The following LYRM4 variants were observed in gnomAD, a reference collection of about 807,000 sequenced individuals.
LYRM4 encodes LYR motif containing 4.
In LYRM4, 9 loss-of-function variants were observed where a neutral mutation model predicts 11.7. That is an observed-to-expected ratio of 0.77 (90% CI 0.46 to 1.34). LYRM4 has a LOEUF of 1.34. Among genes scored for constraint, LYRM4 ranks in the 40% most tolerant of loss-of-function variants. LYRM4 has a pLI of 0.00. For synonymous variants in LYRM4, 42 were observed against 40.4 expected, an observed-to-expected ratio of 1.04 and a Z score of -0.15; for missense variants, 133 against 112.5, an observed-to-expected ratio of 1.18 and a Z score of -0.82.
intron 2 of LYRM4, among the ~76,000 whole-genome samples, chr6:5,167,100 A>G (rs1037272780): frequency 6.6e-6 from 1 of 152,294 alleles, no homozygotes. Context: ...GACCCAACCC[A>G]TCATGAGGCT....
intron 1 of LYRM4, among the ~76,000 whole-genome samples, chr6:5,218,641 A>C (rs895108449): frequency 6.6e-6 from 1 of 152,170 alleles, no homozygotes; most frequent in Non-Finnish European, 1.5e-5. Context: ...ATTTCAGAGG[A>C]GCTGCTGAGC....
intron 2 of LYRM4, among the ~76,000 whole-genome samples, chr6:5,189,811 G>A (rs577960625): frequency 4.6e-5 from 7 of 152,292 alleles, no homozygotes; most frequent in South Asian, 4.1e-4. Context: ...TCTATGAATC[G>A]AATCACTGTT....
chr6:5,053,467 G>A, the LYRM4 span, among the ~76,000 whole-genome samples: 1 of 151,868 alleles, frequency 6.6e-6, no homozygotes, highest in Non-Finnish European at 1.5e-5. Context: ...AGGGAGAGAT[G>A]GAAAGAGAAA....
At chr6:5,118,094 A>ATATATATATATATT in intron 2 of LYRM4, among the ~76,000 whole-genome samples, 13 of 86,124 alleles carry the variant, frequency 1.5e-4, no homozygotes, top group Non-Finnish European at 1.9e-4. Flanking sequence ...ATATATATAT[A>ATATATATATATATT]TTTTTGTTTT....
intron 2 of LYRM4, among the ~76,000 whole-genome samples, chr6:5,213,079 T>C (rs1762069414): frequency 1.3e-5 from 2 of 152,174 alleles, no homozygotes; most frequent in African/African-American, 2.4e-5. Flanking sequence ...GCTCCTTAAA[T>C]ACCATCGGAA....
chr6:5,089,657 A>G, the LYRM4 span, among the ~76,000 whole-genome samples: 22 of 152,340 alleles, frequency 1.4e-4, no homozygotes, highest in South Asian at 4.1e-3. Context: ...AAAAGAAACT[A>G]TTTCATAATA....
At chr6:5,129,902 G>A (rs1444907392) in intron 2 of LYRM4, among the ~76,000 whole-genome samples, 2 of 152,272 alleles carry the variant, frequency 1.3e-5, no homozygotes, top group Non-Finnish European at 2.9e-5. Context: ...AGAGATTCGT[G>A]CTGAGGTGAA....
intron 2 of LYRM4, among the ~76,000 whole-genome samples, chr6:5,215,418 C>A (rs572185245): frequency 6.6e-6 from 1 of 152,170 alleles, no homozygotes; most frequent in African/African-American, 2.4e-5. Flanking sequence ...AGATCAGTTT[C>A]TTTTCTGAGT....
intron 1 of LYRM4, among the ~76,000 whole-genome samples, chr6:5,249,712 T>G (rs1271090208): frequency 6.6e-6 from 1 of 152,218 alleles, no homozygotes; most frequent in South Asian, 2.1e-4. Context: ...ATCTAGAAAC[T>G]CTCAGCTTGG....
the LYRM4 span, chr6:5,089,089 A>G: frequency 1.3e-5 from 2 of 152,270 alleles, no homozygotes; most frequent in South Asian, 4.1e-4. Context: ...ACAGCAAGCC[A>G]TCAGGAGTTA....
chr6:5,034,350 T>C, the LYRM4 span: 2 of 152,246 alleles, frequency 1.3e-5, no homozygotes, highest in African/African-American at 4.8e-5. Flanking sequence ...CGTGAGATGA[T>C]GTCTGATACA....
intron 2 of LYRM4, among the ~76,000 whole-genome samples, chr6:5,144,786 G>A (rs549583155): frequency 3.0e-4 from 45 of 152,190 alleles, no homozygotes; most frequent in Admixed American, 6.5e-4. Context: ...GCAGTGCGGC[G>A]CTCACTCCCG....
At chr6:5,209,526 T>C (rs1320318419) in intron 2 of LYRM4, among the ~76,000 whole-genome samples, 1 of 152,258 alleles carries the variant, frequency 6.6e-6, no homozygotes, top group Non-Finnish European at 1.5e-5. Flanking sequence ...TGCTGGCGTA[T>C]GCTTTTAAAC....
chr6:5,260,602 C>G, intron 1 of LYRM4, 46 bp downstream of exon 1: 9 of 1,203,578 alleles, frequency 7.5e-6, no homozygotes, highest in Non-Finnish European at 1.1e-5. Flanking sequence ...CCCCGGTCCC[C>G]GGCCCCTGGC....
intron 2 of LYRM4, among the ~76,000 whole-genome samples, chr6:5,162,748 G>A (rs1344065957): frequency 2.0e-5 from 3 of 152,126 alleles, no homozygotes; most frequent in Non-Finnish European, 4.4e-5. Context: ...CATACACAAT[G>A]CCAATGCTTT....
At chr6:5,041,420 C>T in the LYRM4 span, among the ~76,000 whole-genome samples, 1 of 152,206 alleles carries the variant, frequency 6.6e-6, no homozygotes, top group African/African-American at 2.4e-5. Flanking sequence ...AAGATGTTCT[C>T]TCTAAAGGCT....
At chr6:5,134,068 A>G (rs544890809) in intron 2 of LYRM4, among the ~76,000 whole-genome samples, 1 of 152,364 alleles carries the variant, frequency 6.6e-6, no homozygotes, top group South Asian at 2.1e-4. Flanking sequence ...CTGTGAACAT[A>G]CGAATACAAG....
At chr6:5,233,284 T>C (rs142781685) in intron 1 of LYRM4, among the ~76,000 whole-genome samples, 52 of 152,348 alleles carry the variant, frequency 3.4e-4, no homozygotes, top group Middle Eastern at 3.4e-3. Context: ...ACAATCAGAT[T>C]TGACATGCGA....
chr6:5,154,753 A>G (rs992449006), intron 2 of LYRM4, among the ~76,000 whole-genome samples: 4 of 152,152 alleles, frequency 2.6e-5, no homozygotes, highest in Non-Finnish European at 4.4e-5. Context: ...CGGGAGGCGG[A>G]GCTTGCAGTG....
Sources: allele counts gnomAD v4.1 joint callset (sites outside exome capture counted in the v4.1 genomes callset), GRCh38; gene constraint gnomAD v4.1.1; transcripts MANE v1.5; gene names NCBI Gene and HGNC (gene_info 2026-07-23, HGNC 2026-07-21).